Variants in INVS observed in about 807,000 individuals in gnomAD.
INVS encodes the protein inversin, also known as inversion of embryo turning homolog.
In INVS, 86 loss-of-function variants were observed where a neutral mutation model predicts 108.8. That is an observed-to-expected ratio of 0.79 (90% CI 0.66 to 0.95). The LOEUF (loss-of-function observed/expected upper bound fraction) is 0.95. INVS is among the 40% of genes least tolerant of loss of function. INVS has a pLI of 0.00. For missense variants in INVS, 1,169 were observed against 1,297.4 expected (o/e 0.90, Z 1.52); for synonymous variants, 455 against 473.5 (o/e 0.96, Z 0.51).
In INVS at chr9:100,292,647, A is replaced by G; in HGVS notation, c.2390A>G (p.Glu797Gly). The G allele has an allele frequency of 6.2e-7, 1 of 1,614,126 alleles. No homozygotes were observed. Among genetic ancestry groups the G allele is most frequent in the Non-Finnish European group, 8.5e-7 (1 of 1,180,014 alleles). The change falls in exon 14 of 17, where the codon GAG (glutamate) becomes GGG (glycine). Residue 797 changes from glutamate (E) to glycine (G), a missense_variant. Transcript: ENST00000262457. ...KCAPQKRRTQ[E>G]LRGGRCSPAG... ...GCCCCCCAGAAAAGGCGCACTCAAG[A>G]GCTCAGAGGAGGAAGGTGCTCTCCG...
intron 3 of INVS, among the ~76,000 whole-genome samples, chr9:100,191,431 C>G (rs754376923): frequency 6.6e-6 from 1 of 152,138 alleles, no homozygotes; most frequent in Non-Finnish European, 1.5e-5. Context: ...GCTTTGTCTC[C>G]AAGCTCTGAA....
In INVS at chr9:100,141,450, G is replaced by A. The variant is rs187312196; in HGVS notation, c.273+14901G>A. On this transcript the variant is annotated intron_variant, in intron 3 of 16. Transcript: ENST00000262457. ...ATACCAAGAGCCTGAAAAAATGCTTGGCTGATTTGACTAATAAAGGCCGGT... is the reference window on the plus strand; with the variant it reads ...ATACCAAGAGCCTGAAAAAATGCTTAGCTGATTTGACTAATAAAGGCCGGT... 3.8e-4 allele frequency among the ~76,000 whole-genome samples: 58 copies of A among 152,226 alleles called. No homozygotes were observed. In the East Asian group the frequency reaches 7.9e-3, roughly 21 times the overall value.
chr9:100,116,826 C>G, intron 2 of INVS: 1 of 1,370,136 alleles, frequency 7.3e-7, no homozygotes, highest in Non-Finnish European at 9.9e-7. Context: ...ACGAGTTGGT[C>G]AGTGAATTCC....
At chr9:100,129,772 T>A in intron 3 of INVS, 1 of 656,794 alleles carries the variant, frequency 1.5e-6, no homozygotes, top group South Asian at 1.8e-5. Context: ...CCTGGCCTTT[T>A]CCTTTATGAC....
chr9:100,247,957 C>T (rs191373522), intron 8 of INVS, among the ~76,000 whole-genome samples: 2 of 152,128 alleles, frequency 1.3e-5, no homozygotes, highest in East Asian at 1.9e-4. Context: ...TGCAGGTGGA[C>T]GCCACCACGC....
chr9:100,262,788 C>T (rs1832672400), intron 10 of INVS, among the ~76,000 whole-genome samples: 1 of 152,128 alleles, frequency 6.6e-6, no homozygotes, highest in South Asian at 2.1e-4. Flanking sequence ...CTCTGCCACC[C>T]AGGCTGGAGT....
intron 3 of INVS, among the ~76,000 whole-genome samples, chr9:100,174,125 G>C (rs1829633228): frequency 6.6e-6 from 1 of 152,310 alleles, no homozygotes; most frequent in African/African-American, 2.4e-5. Flanking sequence ...AGTAACAATG[G>C]AGAACAACTA....
chr9:100,212,659 A>G (rs1375330573), intron 3 of INVS, among the ~76,000 whole-genome samples: 5 of 152,030 alleles, frequency 3.3e-5, no homozygotes, highest in African/African-American at 4.8e-5. Context: ...GTAGCCATTC[A>G]GGAATCTTCT....
rs846760 is a variant in INVS at position 100,124,404 on chromosome 9, A to G, written c.107-1979A>G. Among the ~76,000 whole-genome samples, 681 of 152,136 alleles carry G rather than the reference A, an allele frequency of 4.5e-3. 1 individual carries two copies. Among genetic ancestry groups the G allele is most frequent in the Non-Finnish European group, 6.2e-3 (422 of 67,994 alleles). ...TACAGCAAGGTTATCTTTGCTTTCA[A>G]TCATCGAAACATAACTCTAAAAATT... On this transcript the variant is annotated intron_variant, in intron 2 of 16. Coordinates refer to ENST00000262457, the MANE Select transcript of INVS (RefSeq NM_014425.5).
At chr9:100,105,612 C>G (rs1215651264) in intron 2 of INVS, among the ~76,000 whole-genome samples, 4 of 152,164 alleles carry the variant, frequency 2.6e-5, no homozygotes, top group Admixed American at 1.3e-4. Context: ...TATCTACATT[C>G]ACTGGAACTT....
At chr9:100,264,353 C>T (rs1382957539) in intron 10 of INVS, among the ~76,000 whole-genome samples, 4 of 152,282 alleles carry the variant, frequency 2.6e-5, no homozygotes, top group East Asian at 1.9e-4. Flanking sequence ...CATGTTGGCT[C>T]ACGCCTGTAA....
intron 10 of INVS, 70 bp downstream of exon 10, chr9:100,253,206 T>G: frequency 8.2e-7 from 1 of 1,212,882 alleles, no homozygotes; most frequent in Middle Eastern, 1.9e-4. Context: ...GTTGTAAACA[T>G]AAGTAAAACA....
intron 11 of INVS, among the ~76,000 whole-genome samples, chr9:100,265,753 G>C (rs2118634058): frequency 6.6e-6 from 1 of 152,264 alleles, no homozygotes; most frequent in South Asian, 2.1e-4. Flanking sequence ...TTATATTAGG[G>C]TTATTGACCA....
chr9:100,276,906 C>T (rs996441450), intron 12 of INVS, among the ~76,000 whole-genome samples: 1 of 152,210 alleles, frequency 6.6e-6, no homozygotes, highest in African/African-American at 2.4e-5. Context: ...ACTACCACCA[C>T]CCTCTCACTT....
At chr9:100,142,234 G>A (rs991466370) in intron 3 of INVS, among the ~76,000 whole-genome samples, 2 of 152,180 alleles carry the variant, frequency 1.3e-5, no homozygotes, top group South Asian at 2.1e-4. Context: ...GGTGGTGCAC[G>A]ATATGAAAGG....
chr9:100,300,439 T>G, intron 16 of INVS, 129 bp from the exon 17 acceptor site: 1 of 702,236 alleles, frequency 1.4e-6, no homozygotes, highest in East Asian at 2.7e-5. Flanking sequence ...ATCCTGCCTC[T>G]ACAGTAAACT....
chr9:100,175,141 G>T lies in INVS; in HGVS notation c.273+48592G>T. On this transcript the variant is annotated intron_variant, in intron 3 of 16. Transcript: ENST00000262457. ...AAGCCTTAGCCTTTTTTACAGTCCA[G>T]CTCTTAAATTTTTTCCTCCCCTTTT... 4 of 368,790 alleles carry T rather than the reference G, an allele frequency of 1.1e-5. No individual in the cohort carries two copies. In the South Asian group the frequency reaches 1.1e-4, roughly 10 times the overall value. The allele number at this position is 368,790 out of a possible 1,614,324, so 22.8% of individuals were successfully genotyped here. A position where few individuals can be genotyped will look rare whatever the true frequency, so the allele number is the denominator to read the frequency against.
intron 3 of INVS, among the ~76,000 whole-genome samples, chr9:100,168,205 C>T (rs574328023): frequency 9.9e-5 from 15 of 152,106 alleles, no homozygotes; most frequent in African/African-American, 3.6e-4. Context: ...ACATTTTTAT[C>T]CCTTGGTGAT....
intron 10 of INVS, among the ~76,000 whole-genome samples, chr9:100,261,261 G>A (rs1832613452): frequency 6.6e-6 from 1 of 150,490 alleles, no homozygotes; most frequent in Admixed American, 6.6e-5. Flanking sequence ...TACTAGGAAT[G>A]CATCTTTTTT....
Sources: allele counts gnomAD v4.1 joint callset (sites outside exome capture counted in the v4.1 genomes callset), GRCh38; gene constraint gnomAD v4.1.1; transcripts MANE v1.5; gene names NCBI Gene and HGNC (gene_info 2026-07-23, HGNC 2026-07-21).